PRKN: variants seen among roughly 807,000 people sequenced by gnomAD.
PRKN encodes the protein E3 ubiquitin-protein ligase parkin.
A neutral mutation model predicts 59.5 loss-of-function variants in PRKN; 56 were observed. The ratio of observed to expected loss-of-function variants is 0.94; its 90% CI spans 0.76 to 1.18. PRKN has a LOEUF of 1.18. Ranked by LOEUF, PRKN falls within the 50% of genes most tolerant of loss-of-function variation. The pLI, the probability that PRKN is intolerant of heterozygous loss-of-function variation, is 0.00. For missense variants in PRKN, 657 were observed against 596.4 expected (o/e 1.10, Z -1.06); for synonymous variants, 250 against 222.1 (o/e 1.13, Z -1.12).
rs928441065 is a variant in PRKN, at chr6:161,352,288, A to G, written c.1286-2077T>C. On this transcript the variant is annotated intron_variant, in intron 11 of 11. Coordinates refer to ENST00000366898, the MANE Select transcript of PRKN (RefSeq NM_004562.3). The surrounding 1 kb of genome is among the most constrained non-coding windows in gnomAD (Gnocchi z 5.8). ...TATTTATGAATATATAGGAATAGGC[A>G]TTTGTTTTAAGATAACTTGCCGACA... is the stretch of plus-strand genomic sequence containing the variant. Among the ~76,000 whole-genome samples the G allele has an allele frequency of 6.6e-6, 1 of 152,214 alleles. No individual in the cohort carries two copies. The highest frequency in any genetic ancestry group is 1.5e-5 in the Non-Finnish European group (1 of 68,042).
At chr6:162,392,968 T>C (rs1046710640) in intron 2 of PRKN, among the ~76,000 whole-genome samples, 7 of 151,876 alleles carry the variant, frequency 4.6e-5, no homozygotes, top group African/African-American at 1.7e-4. Context: ...TAAATCAACA[T>C]CTTCAGTGCT....
At chr6:161,782,139 A>T (rs947721289) in intron 7 of PRKN, among the ~76,000 whole-genome samples, 1 of 152,228 alleles carries the variant, frequency 6.6e-6, no homozygotes, top group African/African-American at 2.4e-5. Flanking sequence ...AGCAATATTT[A>T]CAGTAAAAAA....
chr6:161,655,486 T>G (rs1224815081), intron 7 of PRKN, among the ~76,000 whole-genome samples: 1 of 152,242 alleles, frequency 6.6e-6, no homozygotes, highest in African/African-American at 2.4e-5. Context: ...ACAGAGGCGT[T>G]CCTGGGCCCA....
At chr6:162,727,008 AAAAAG>A (rs1052418863) in intron 1 of PRKN, 2 of 152,218 alleles carry the variant, frequency 1.3e-5, no homozygotes, top group South Asian at 4.1e-4. Flanking sequence ...TACAAAAAAA[AAAAAG>A]AAAGGTTATT....
intron 7 of PRKN, among the ~76,000 whole-genome samples, chr6:161,760,793 T>C (rs9458358): frequency 0.54 from 82,713 of 151,898 alleles, 22,570 homozygotes; most frequent in East Asian, 0.57. Flanking sequence ...TGAGCATAAG[T>C]CCTCTAAGAG....
chr6:161,659,271 GT>G (rs1193045124), intron 7 of PRKN, among the ~76,000 whole-genome samples: 1 of 152,140 alleles, frequency 6.6e-6, no homozygotes, highest in African/African-American at 2.4e-5. Context: ...TGTCACAATT[GT>G]TCAAAATTAA....
At chr6:162,413,766 C>T (rs1024648038) in intron 2 of PRKN, among the ~76,000 whole-genome samples, 13 of 152,282 alleles carry the variant, frequency 8.5e-5, no homozygotes, top group Middle Eastern at 3.4e-3. Context: ...TAGACATCAC[C>T]TATTTTAATA....
chr6:162,057,335 T>C (rs556384568), intron 4 of PRKN, among the ~76,000 whole-genome samples: 14 of 152,224 alleles, frequency 9.2e-5, no homozygotes, highest in Middle Eastern at 3.4e-3. Flanking sequence ...GCTTGGACAA[T>C]ATAAAAGCAA....
Position 162,270,615 on chromosome 6 carries a change from CA to C in PRKN, c.172-7851del, listed in dbSNP as rs540820425. ...TTTTATTTGGATTTTTAATAGACTA[CA>C]TTTTCTATCTAGAAAAGGAATACAA... On this transcript the variant is annotated intron_variant, in intron 2 of 11. Transcript: ENST00000366898. 4.5e-3 allele frequency: 685 copies of C among 152,264 alleles called. 7 individuals are homozygous for C. Among genetic ancestry groups the C allele is most frequent in the African/African-American group, 0.016 (663 of 41,548 alleles). 9.4% of individuals were successfully genotyped at this position (152,264 alleles called of 1,614,324 possible). A position where few individuals can be genotyped will look rare whatever the true frequency, so the allele number is the denominator to read the frequency against.
At chr6:162,090,186 G>A (rs1779422839) in intron 4 of PRKN, among the ~76,000 whole-genome samples, 1 of 152,022 alleles carries the variant, frequency 6.6e-6, no homozygotes, top group Non-Finnish European at 1.5e-5. Context: ...GTGTGTATCA[G>A]ATCATTATAA....
intron 4 of PRKN, among the ~76,000 whole-genome samples, chr6:162,137,610 A>G (rs1297705863): frequency 3.3e-5 from 5 of 152,194 alleles, no homozygotes; most frequent in African/African-American, 1.2e-4. Flanking sequence ...GAGGTCCAGT[A>G]TCAAGGTGCT....
At chr6:162,494,328 G>A (rs1039453835) in intron 1 of PRKN, among the ~76,000 whole-genome samples, 4 of 152,174 alleles carry the variant, frequency 2.6e-5, no homozygotes, top group Non-Finnish European at 5.9e-5. Context: ...CCAGGGCCAG[G>A]TGTGCTTGTT....
intron 1 of PRKN, among the ~76,000 whole-genome samples, chr6:162,541,905 G>C (rs978350274): frequency 6.6e-6 from 1 of 152,124 alleles, no homozygotes; most frequent in Non-Finnish European, 1.5e-5. Context: ...ACTGACAAAT[G>C]GTTGAATTCT....
At chr6:162,453,368 GATT>G (rs1480702020) in intron 1 of PRKN, among the ~76,000 whole-genome samples, 3 of 151,824 alleles carry the variant, frequency 2.0e-5, no homozygotes, top group African/African-American at 7.3e-5. Context: ...TTTATTCTTT[GATT>G]AATTCTTCCA....
intron 4 of PRKN, among the ~76,000 whole-genome samples, chr6:162,182,146 CAG>C (rs1242387005): frequency 6.6e-6 from 1 of 152,126 alleles, no homozygotes; most frequent in Non-Finnish European, 1.5e-5. Flanking sequence ...TGGACAAAGA[CAG>C]GGGTTGGAGC....
chr6:161,917,800 T>C (rs891137215), intron 6 of PRKN, among the ~76,000 whole-genome samples: 1 of 152,236 alleles, frequency 6.6e-6, no homozygotes, highest in African/African-American at 2.4e-5. Flanking sequence ...TGCACAGAAG[T>C]AATATAGCAG....
intron 6 of PRKN, among the ~76,000 whole-genome samples, chr6:161,940,117 A>G (rs991395851): frequency 9.2e-5 from 14 of 152,114 alleles, no homozygotes; most frequent in African/African-American, 3.1e-4. Context: ...GCTGGTCTCA[A>G]ACTCCTGACT....
intron 2 of PRKN, among the ~76,000 whole-genome samples, chr6:162,363,853 G>A (rs1303264788): frequency 6.6e-6 from 1 of 152,144 alleles, no homozygotes; most frequent in African/African-American, 2.4e-5. Context: ...ACTCAGGGTT[G>A]CTTATGCAAC....
chr6:161,753,676 C>A (rs1478836549), intron 7 of PRKN, among the ~76,000 whole-genome samples: 1 of 152,086 alleles, frequency 6.6e-6, no homozygotes, highest in Non-Finnish European at 1.5e-5. Context: ...AGAGCCAACC[C>A]CGAGTGGGGG....
Sources: allele counts gnomAD v4.1 joint callset (sites outside exome capture counted in the v4.1 genomes callset), GRCh38; gene constraint gnomAD v4.1.1; non-coding constraint Gnocchi (gnomAD v3.1); transcripts MANE v1.5; gene names NCBI Gene and HGNC (gene_info 2026-07-23, HGNC 2026-07-21).